The following SLC4A5 variants were observed in gnomAD, a reference collection of about 807,000 sequenced individuals.
SLC4A5 encodes electrogenic sodium bicarbonate cotransporter 4.
A neutral mutation model predicts 120.4 loss-of-function variants in SLC4A5; 96 were observed. That is an observed-to-expected ratio of 0.80 (90% CI 0.68 to 0.94). SLC4A5 has a LOEUF of 0.94. Among genes scored for constraint, SLC4A5 ranks in the 40% least tolerant of loss-of-function variants. The pLI, the probability that SLC4A5 is intolerant of heterozygous loss-of-function variation, is 0.00. For synonymous variants in SLC4A5, 550 were observed against 571.1 expected (o/e 0.96, Z 0.53); for missense variants, 1,259 against 1,459.5 (o/e 0.86, Z 2.24).
intron 11 of SLC4A5, among the ~76,000 whole-genome samples, chr2:74,260,641 G>C (rs1671106000): frequency 6.6e-6 from 1 of 151,946 alleles, no homozygotes; most frequent in Non-Finnish European, 1.5e-5. Context: ...AGCAGCCTTG[G>C]GCCCTCCCTC....
chr2:74,265,069 C>G (rs750709654), intron 9 of SLC4A5, 35 bp downstream of exon 9: 15 of 1,595,616 alleles, frequency 9.4e-6, no homozygotes, highest in Middle Eastern at 1.8e-4. Context: ...TTGCAGGGAC[C>G]ACAGGAGAGA....
chr2:74,285,769 T>G lies in SLC4A5; in HGVS notation c.401+4A>C. 1 of 1,609,488 alleles carries G rather than the reference T, an allele frequency of 6.2e-7. No homozygotes were observed. Among genetic ancestry groups the G allele is most frequent in the Non-Finnish European group, 8.5e-7 (1 of 1,176,834 alleles). On this transcript the variant is annotated splice_donor_region_variant and intron_variant, in intron 8 of 30. Coordinates refer to ENST00000394019, the Ensembl canonical transcript of SLC4A5. ...CCCACCTCCCTCGTGGGGCCCCGCC[T>G]CACCTGGCTGACTCCTTCCACTCCA...
rs1358536306 is a variant in SLC4A5, at chr2:74,308,216, AT to A, written c.80-3537del. Among the ~76,000 whole-genome samples the A allele has an allele frequency of 4.6e-5, 7 of 152,300 alleles. No homozygotes were observed. The East Asian group carries it at 1.2e-3, about 25-fold the overall frequency. On this transcript the variant is annotated intron_variant, in intron 6 of 30. Coordinates refer to ENST00000394019, the Ensembl canonical transcript of SLC4A5. ...ATATGTAGGCTTCTATGTGAACATA[AT>A]TTTCAACTCAGTTGGGTACATACCT... is the stretch of plus-strand genomic sequence containing the variant.
exon 30 of SLC4A5, chr2:74,221,485 A>G (rs1381048616): frequency 1.2e-6 from 2 of 1,614,234 alleles, no homozygotes; most frequent in Non-Finnish European, 1.7e-6. Context: ...AGTAACTCCA[A>G]CTGGAAGATC....
At chr2:74,241,250 T>TATC (rs1274236445) in intron 20 of SLC4A5, among the ~76,000 whole-genome samples, 1 of 22,890 alleles carries the variant, frequency 4.4e-5, no homozygotes, top group Non-Finnish European at 7.6e-5. Context: ...GTGCGTGTCA[T>TATC]ATTATTATTA....
At chr2:74,315,645 T>C (rs1672945417) in intron 5 of SLC4A5, among the ~76,000 whole-genome samples, 1 of 150,620 alleles carries the variant, frequency 6.6e-6, no homozygotes, top group South Asian at 2.1e-4. Context: ...TGCATATATA[T>C]ATGCGCCAGG....
chr2:74,288,335 C>T (rs1672050706), intron 7 of SLC4A5, among the ~76,000 whole-genome samples: 1 of 152,134 alleles, frequency 6.6e-6, no homozygotes, highest in Admixed American at 6.5e-5. Context: ...TATTGCCATG[C>T]ACCCAAATTC....
rs536870893 is a variant in SLC4A5, at chr2:74,299,355, A to G, written c.271+5134T>C. On this transcript the variant is annotated intron_variant, in intron 7 of 30. Coordinates refer to ENST00000394019, the Ensembl canonical transcript of SLC4A5. ...AATAAGAGCGAAACTCCATCTCAAT[A>G]AATAAATAAATTTCATGAGACCTGA... 9.2e-5 allele frequency among the ~76,000 whole-genome samples: 14 copies of G among 152,304 alleles called. No individual in the cohort carries two copies. The East Asian group carries it at 1.5e-3, about 17-fold the overall frequency.
At chr2:74,304,294 G>A (rs537863820) in intron 7 of SLC4A5, among the ~76,000 whole-genome samples, 195 bp downstream of exon 7, 1 of 152,344 alleles carries the variant, frequency 6.6e-6, no homozygotes, top group African/African-American at 2.4e-5. Flanking sequence ...AAGACAGGGT[G>A]TCAGTCTGAC....
chr2:74,318,898 C>A (rs1458366025), intron 5 of SLC4A5, among the ~76,000 whole-genome samples: 1 of 152,044 alleles, frequency 6.6e-6, no homozygotes, highest in African/African-American at 2.4e-5. Context: ...AAGATACCAG[C>A]ACTTGTATGT....
At chr2:74,247,717 G>A (rs2103974577) in intron 18 of SLC4A5, among the ~76,000 whole-genome samples, 1 of 152,188 alleles carries the variant, frequency 6.6e-6, no homozygotes, top group South Asian at 2.1e-4. Context: ...GTTTTACCAT[G>A]TTGGCCAGGC....
intron 8 of SLC4A5, among the ~76,000 whole-genome samples, chr2:74,281,097 C>G (rs1286901432): frequency 6.6e-6 from 1 of 152,210 alleles, no homozygotes; most frequent in Non-Finnish European, 1.5e-5. Context: ...CCATTCAGGG[C>G]TTTTGAAAAC....
intron 6 of SLC4A5, chr2:74,308,021 G>C: frequency 1.9e-6 from 1 of 535,936 alleles, no homozygotes; most frequent in Non-Finnish European, 3.8e-6. Context: ...TGTCCGGGGA[G>C]GAGAGTGAGA....
At chr2:74,275,277 G>A (rs1183125051) in intron 8 of SLC4A5, among the ~76,000 whole-genome samples, 2 of 152,188 alleles carry the variant, frequency 1.3e-5, no homozygotes, top group African/African-American at 2.4e-5. Flanking sequence ...CCATCCTCCT[G>A]CACACCATGT....
At chr2:74,218,707 T>C (rs1411046356) in exon 31 of SLC4A5, 1 of 152,662 alleles carries the variant, frequency 6.6e-6, no homozygotes, top group African/African-American at 2.4e-5. Flanking sequence ...ATCTCTATCT[T>C]CACCTGTGGC....
At chr2:74,224,715 A>G in intron 28 of SLC4A5, 125 bp downstream of exon 28, 1 of 1,357,622 alleles carries the variant, frequency 7.4e-7, no homozygotes, top group Non-Finnish European at 1.0e-6. Flanking sequence ...GCCCCAGCCC[A>G]TCCTGGACTG....
At chr2:74,248,484 T>C in exon 18 of SLC4A5, 2 of 1,613,874 alleles carry the variant, frequency 1.2e-6, no homozygotes. Context: ...TCTCCATCAC[T>C]CCCTGGGGGC....
At chr2:74,307,652 T>C in intron 6 of SLC4A5, 2 of 1,000,190 alleles carry the variant, frequency 2.0e-6, no homozygotes, top group South Asian at 2.5e-5. Flanking sequence ...TGACCTGGGG[T>C]CCCTTCTTCT....
At chr2:74,304,261 C>T (rs975386543) in intron 7 of SLC4A5, among the ~76,000 whole-genome samples, 9 of 152,308 alleles carry the variant, frequency 5.9e-5, no homozygotes, top group East Asian at 3.9e-4. Context: ...GGATCAGAGT[C>T]GAGGTCTCAA....
Sources: allele counts gnomAD v4.1 joint callset (sites outside exome capture counted in the v4.1 genomes callset), GRCh38; gene constraint gnomAD v4.1.1; transcripts MANE v1.5; gene names NCBI Gene and HGNC (gene_info 2026-07-23, HGNC 2026-07-21).